Variants in MAN1C1 observed in about 807,000 individuals in gnomAD.
MAN1C1 encodes the protein mannosidase alpha class 1C member 1, also known as mannosyl-oligosaccharide 1,2-alpha-mannosidase IC.
A neutral mutation model predicts 71.5 loss-of-function variants in MAN1C1; 49 were observed. The ratio of observed to expected loss-of-function variants is 0.69; its 90% CI spans 0.54 to 0.87. MAN1C1 has a LOEUF of 0.87. MAN1C1 is among the 40% of genes least tolerant of loss of function. The pLI, the probability that MAN1C1 is intolerant of heterozygous loss-of-function variation, is 0.00. For synonymous variants in MAN1C1, 352 were observed against 343.7 expected (o/e 1.02, Z -0.27); for missense variants, 743 against 835.0 (o/e 0.89, Z 1.36).
rs1362240122 is a variant in MAN1C1, at chr1:25,778,153, A to G, written c.1306A>G (p.Ile436Val). 6 of 1,603,376 alleles carry G rather than the reference A, an allele frequency of 3.7e-6. No individual in the cohort carries two copies. Among genetic ancestry groups the G allele is most frequent in the Admixed American group, 3.4e-5 (2 of 58,760 alleles). Residue 436 changes from isoleucine (I) to valine (V), a missense_variant, in exon 9 of 12, where the codon ATT becomes GTT. Transcript: ENST00000374332. This position sits in a 1 kb window ranked among gnomAD's most constrained non-coding sequence, Gnocchi z 5.5. Reference sequence around the variant, plus strand: ...TGTCTCTCCCGGGGGGCTGACCTACATTGCCGAGTGGCGAGGGGGGATTCT... The same window carrying G: ...TGTCTCTCCCGGGGGGCTGACCTACGTTGCCGAGTGGCGAGGGGGGATTCT... ...LNVSPGGLTY[I>V]AEWRGGILDH...
intron 1 of MAN1C1, among the ~76,000 whole-genome samples, chr1:25,677,846 CTTTTT>C (rs772618301): frequency 2.0e-5 from 2 of 98,306 alleles, no homozygotes; most frequent in South Asian, 3.4e-4. Context: ...TAAAGACCTC[CTTTTT>C]TTTTTTTTTT....
At position 25,782,571 on chromosome 1, in the gene MAN1C1, T is replaced by C; in HGVS notation, c.1651-14T>C. 8 of 1,594,418 alleles carry C rather than the reference T, an allele frequency of 5.0e-6. No individual in the cohort carries two copies. The highest frequency in any genetic ancestry group is 6.9e-6 in the Non-Finnish European group (8 of 1,162,106). On this transcript the variant is annotated splice_polypyrimidine_tract_variant and intron_variant, in intron 10 of 11. Coordinates refer to ENST00000374332, the MANE Select transcript of MAN1C1 (RefSeq NM_020379.4). The surrounding 1 kb of genome is among the most constrained non-coding windows in gnomAD (Gnocchi z 4.4). ...TGTTAAGGCTGTTTTCCTCCTCCTC[T>C]TCCCCTTCCTCAGGCCTTGGAGAAA...
intron 1 of MAN1C1, among the ~76,000 whole-genome samples, chr1:25,626,657 C>T (rs1163137071): frequency 6.6e-6 from 1 of 152,054 alleles, no homozygotes; most frequent in Non-Finnish European, 1.5e-5. Flanking sequence ...TGCGCCCGGC[C>T]GTTTATTTGC....
intron 2 of MAN1C1, among the ~76,000 whole-genome samples, chr1:25,722,762 G>A (rs545399175): frequency 6.6e-6 from 1 of 152,186 alleles, no homozygotes; most frequent in Admixed American, 6.5e-5. Flanking sequence ...TGGCTCCTTG[G>A]CTGTGTCTTC....
intron 6 of MAN1C1, 54 bp downstream of exon 6, chr1:25,758,763 T>G (rs2047323310): frequency 6.7e-7 from 1 of 1,503,692 alleles, no homozygotes; most frequent in African/African-American, 1.4e-5. Context: ...AGCGTGCGGC[T>G]GCCACAGGGT....
In MAN1C1 at chr1:25,769,314, C is replaced by T. The variant is rs908721161; in HGVS notation, c.1142-2343C>T. Among the ~76,000 whole-genome samples the T allele has an allele frequency of 6.6e-6, 1 of 151,692 alleles. No individual in the cohort carries two copies. Among genetic ancestry groups the T allele is most frequent in the Admixed American group, 6.6e-5 (1 of 15,236 alleles). On this transcript the variant is annotated intron_variant, in intron 7 of 11. Transcript: ENST00000374332. This position sits in a 1 kb window ranked among gnomAD's most constrained non-coding sequence, Gnocchi z 4.8. ...ACCCATACCCCTCAGCACACACACACGCCCCCATACACCTACATACACCAC... is the reference window on the plus strand; with the variant it reads ...ACCCATACCCCTCAGCACACACACATGCCCCCATACACCTACATACACCAC...
chr1:25,663,374 A>G (rs1386102876), intron 1 of MAN1C1, among the ~76,000 whole-genome samples: 1 of 152,040 alleles, frequency 6.6e-6, no homozygotes, highest in Non-Finnish European at 1.5e-5. Flanking sequence ...TGGATGCCTG[A>G]AACTTCGGAT....
At chr1:25,732,451 G>T (rs1217822575) in intron 2 of MAN1C1, among the ~76,000 whole-genome samples, 2 of 152,212 alleles carry the variant, frequency 1.3e-5, no homozygotes. Flanking sequence ...TTCCCCATCT[G>T]TAAAACAGGG....
chr1:25,629,416 T>C (rs1404559854), intron 1 of MAN1C1, among the ~76,000 whole-genome samples: 1 of 152,196 alleles, frequency 6.6e-6, no homozygotes, highest in East Asian at 1.9e-4. Context: ...GAAATGTCTA[T>C]TCATGTCATT....
chr1:25,767,319 CCT>C (rs1284807943), intron 7 of MAN1C1, among the ~76,000 whole-genome samples: 2 of 142,850 alleles, frequency 1.4e-5, no homozygotes, highest in African/African-American at 2.7e-5. Context: ...CCCACACTCC[CCT>C]CACACACTCC....
Position 25,746,236 on chromosome 1 carries a change from C to CAG in MAN1C1, c.638-429_638-428dup, listed in dbSNP as rs2047126379. On this transcript the variant is annotated intron_variant, in intron 2 of 11. Coordinates refer to ENST00000374332, the MANE Select transcript of MAN1C1 (RefSeq NM_020379.4). This position sits in a 1 kb window ranked among gnomAD's most constrained non-coding sequence, Gnocchi z 4.0. Reference sequence around the variant, plus strand: ...GGGAGAATCGCTTGAACCTGGGAGGCAGAGGTTGGAGTGAGCCGAGATCGC... The same window carrying CAG: ...GGGAGAATCGCTTGAACCTGGGAGGCAGAGAGGTTGGAGTGAGCCGAGATCGC... Among the ~76,000 whole-genome samples, 1 of 152,166 alleles carries CAG rather than the reference C, an allele frequency of 6.6e-6. No homozygotes were observed. Among genetic ancestry groups the CAG allele is most frequent in the Non-Finnish European group, 1.5e-5 (1 of 68,020 alleles).
intron 1 of MAN1C1, among the ~76,000 whole-genome samples, chr1:25,667,846 A>C (rs550390468): frequency 6.6e-5 from 10 of 152,188 alleles, no homozygotes; most frequent in Non-Finnish European, 1.3e-4. Context: ...ATCACCCATC[A>C]TCACAGACCT....
intron 1 of MAN1C1, among the ~76,000 whole-genome samples, chr1:25,640,833 C>T (rs1192137753): frequency 6.6e-6 from 1 of 152,098 alleles, no homozygotes; most frequent in Non-Finnish European, 1.5e-5. Flanking sequence ...ATTGTTGATC[C>T]TTGAGTAACT....
chr1:25,710,882 G>A (rs567639976), intron 2 of MAN1C1, among the ~76,000 whole-genome samples: 9 of 152,168 alleles, frequency 5.9e-5, no homozygotes, highest in Non-Finnish European at 1.2e-4. Context: ...GGACTCTTGC[G>A]TTGGCAGCTG....
At chr1:25,759,671 G>A (rs1469736469) in intron 6 of MAN1C1, 2 of 152,192 alleles carry the variant, frequency 1.3e-5, no homozygotes, top group Non-Finnish European at 2.9e-5. Flanking sequence ...ACAGCTGTGA[G>A]GAAACAGATT....
At chr1:25,639,177 T>A (rs1400877266) in intron 1 of MAN1C1, among the ~76,000 whole-genome samples, 1 of 152,194 alleles carries the variant, frequency 6.6e-6, no homozygotes, top group Non-Finnish European at 1.5e-5. Flanking sequence ...AGTTTTTACT[T>A]TTAGAATTTC....
Position 25,735,618 on chromosome 1 carries a change from T to C in MAN1C1, c.638-11050T>C, listed in dbSNP as rs1333065577. On this transcript the variant is annotated intron_variant, in intron 2 of 11. Coordinates refer to ENST00000374332, the MANE Select transcript of MAN1C1 (RefSeq NM_020379.4). This position sits in a 1 kb window ranked among gnomAD's most constrained non-coding sequence, Gnocchi z 4.6. Reference sequence around the variant, plus strand: ...CTATTTCCATAATAGGGTTGTATTATAACAAAGTATTCCACAGTGAGAGGC... The same window carrying C: ...CTATTTCCATAATAGGGTTGTATTACAACAAAGTATTCCACAGTGAGAGGC... Among the ~76,000 whole-genome samples, 2 of 152,234 alleles carry C rather than the reference T, an allele frequency of 1.3e-5. No homozygotes were observed. The highest frequency in any genetic ancestry group is 1.9e-4 in the East Asian group (1 of 5,206).
At chr1:25,748,546 T>C (rs1025352125) in intron 3 of MAN1C1, among the ~76,000 whole-genome samples, 2 of 152,080 alleles carry the variant, frequency 1.3e-5, no homozygotes, top group Non-Finnish European at 2.9e-5. Context: ...GCTGAGGAAA[T>C]GGGGCAGGGA....
At chr1:25,703,840 G>A (rs2046479802) in intron 2 of MAN1C1, among the ~76,000 whole-genome samples, 1 of 152,182 alleles carries the variant, frequency 6.6e-6, no homozygotes, top group South Asian at 2.1e-4. Context: ...AGGGGCTGAG[G>A]TGTGGATGGA....
Sources: gnomAD v4.1 joint callset for allele counts (sites outside exome capture counted in the v4.1 genomes callset) on GRCh38, gnomAD v4.1.1 for gene constraint, Gnocchi (gnomAD v3.1) non-coding constraint, MANE v1.5 for transcripts, NCBI Gene and HGNC (gene_info 2026-07-23, HGNC 2026-07-21) for gene names.